SLC14A1: variants seen among roughly 807,000 people sequenced by gnomAD.
SLC14A1 encodes the protein urea transporter 1.
Under a neutral mutation model 39.6 loss-of-function variants are expected in SLC14A1, and 36 were observed. The ratio of observed to expected loss-of-function variants is 0.91; its 90% CI spans 0.70 to 1.20. The LOEUF is 1.20. Among genes scored for constraint, SLC14A1 ranks in the 50% most tolerant of loss-of-function variants. The pLI is 0.00. For synonymous variants in SLC14A1, 164 were observed against 173.6 expected, an observed-to-expected ratio of 0.94 and a Z score of 0.43; for missense variants, 469 against 478.7, an observed-to-expected ratio of 0.98 and a Z score of 0.19.
In SLC14A1 at chr18:45,736,488, TC is replaced by T; in HGVS notation, c.504del (p.Ser169AlafsTer38). 1 of 1,614,168 alleles carries T rather than the reference TC, an allele frequency of 6.2e-7. No individual in the cohort carries two copies. The highest frequency in any genetic ancestry group is 8.5e-7 in the Non-Finnish European group (1 of 1,180,024). ...TTCTCAAGTGCATTGAATTCCATGC[TC>T]AGCAAATGGGACCTCCCCGTCTTCA... ...PIFSSALNSM[L>X]SKWDLPVFTL... On this transcript the variant is annotated frameshift_variant, in exon 6 of 10. Transcript: ENST00000321925. LOFTEE classifies it high-confidence loss of function.
chr18:45,742,339 T>C (rs1242950193), intron 8 of SLC14A1, among the ~76,000 whole-genome samples: 3 of 144,358 alleles, frequency 2.1e-5, no homozygotes, highest in Non-Finnish European at 4.5e-5. Context: ...TTTTTTGTTG[T>C]TTTTTGTTTT....
chr18:45,741,967 G>A (rs947473932), intron 8 of SLC14A1, among the ~76,000 whole-genome samples: 8 of 152,216 alleles, frequency 5.3e-5, no homozygotes, highest in Non-Finnish European at 8.8e-5. Flanking sequence ...ACAAAAGACA[G>A]TACCAGGAAG....
chr18:45,741,884 A>C (rs2047387189), intron 8 of SLC14A1, among the ~76,000 whole-genome samples: 2 of 152,182 alleles, frequency 1.3e-5, no homozygotes, highest in Admixed American at 6.5e-5. Context: ...AGGGGTTTCA[A>C]ACCTTTATTT....
chr18:45,751,821 G>A lies in SLC14A1; in HGVS notation c.*1870G>A. On this transcript the variant is annotated 3_prime_UTR_variant, in exon 10 of 10. Transcript: ENST00000321925. ...ATTAATTAATTAATTAATTTAAAAA[G>A]GAAGTCATGTTCATTTACTTTCCAC... The A allele has an allele frequency of 1.1e-6, 1 of 944,908 alleles. No homozygotes were observed. The highest frequency in any genetic ancestry group is 1.3e-6 in the Non-Finnish European group (1 of 796,148). The allele number at this position is 944,908 out of a possible 1,614,324, so 58.5% of individuals were successfully genotyped here. A position where few individuals can be genotyped will look rare whatever the true frequency, so the allele number is the denominator to read the frequency against.
rs896414119 is a variant in SLC14A1 at position 45,752,048 on chromosome 18, A to T, written c.*2097A>T. 21 of 985,328 alleles carry T rather than the reference A, an allele frequency of 2.1e-5. No individual in the cohort carries two copies. The African/African-American group carries it at 3.5e-4, about 16-fold the overall frequency. The allele number at this position is 985,328 out of a possible 1,614,324, so 61.0% of individuals were successfully genotyped here. ...TTCTCAGGAAACCAAGCAAGCAAACATATCGTTCCAATTTTAAAACCCAGT... is the reference window on the plus strand; with the variant it reads ...TTCTCAGGAAACCAAGCAAGCAAACTTATCGTTCCAATTTTAAAACCCAGT... On this transcript the variant is annotated 3_prime_UTR_variant, in exon 10 of 10. Transcript: ENST00000321925.
At position 45,751,354 on chromosome 18, in the gene SLC14A1, A is replaced by AAC. The variant is rs986537643; in HGVS notation, c.*1404_*1405insCA. Reference sequence around the variant, plus strand: ...AAACTGTGTCTCTCAAAAAAAAAAAAAAACAAACAAAAACAAAAACAAAAC... The same window carrying AAC: ...AAACTGTGTCTCTCAAAAAAAAAAAAACAAACAAACAAAAACAAAAACAAAAC... On this transcript the variant is annotated 3_prime_UTR_variant, in exon 10 of 10. Coordinates refer to ENST00000321925, the MANE Select transcript of SLC14A1 (RefSeq NM_015865.7). 6.9e-6 allele frequency: 6 copies of AAC among 870,790 alleles called. No individual in the cohort carries two copies. In the African/African-American group the frequency reaches 1.2e-4, roughly 18 times the overall value. 53.9% of individuals were successfully genotyped at this position (870,790 alleles called of 1,614,324 possible).
intron 2 of SLC14A1, chr18:45,727,242 C>T: frequency 6.4e-7 from 1 of 1,550,542 alleles, no homozygotes; most frequent in Non-Finnish European, 8.7e-7. Context: ...CATATTTTTG[C>T]CCTTTGTCAT....
chr18:45,731,956 T>C (rs912242004), intron 4 of SLC14A1, among the ~76,000 whole-genome samples: 2 of 152,174 alleles, frequency 1.3e-5, no homozygotes, highest in African/African-American at 2.4e-5. Context: ...AAGAGGTCCG[T>C]GGGGAGAGAG....
Position 45,730,339 on chromosome 18 carries a change from A to G in SLC14A1, c.19A>G (p.Met7Val), listed in dbSNP as rs138369087. 1.7e-5 allele frequency: 27 copies of G among 1,613,006 alleles called. No homozygotes were observed. The highest frequency in any genetic ancestry group is 1.7e-4 in the Middle Eastern group (1 of 6,058). ...GATAGCCATGGAGGACAGCCCCACTATGGTTAGAGTGGACAGCCCCACTAT... is the reference window on the plus strand; with the variant it reads ...GATAGCCATGGAGGACAGCCCCACTGTGGTTAGAGTGGACAGCCCCACTAT... MEDSPT[M>V]VRVDSPTMVR... Residue 7 changes from methionine (M) to valine (V), a missense_variant, in exon 3 of 10, where the codon ATG becomes GTG. Transcript: ENST00000321925.
chr18:45,727,108 C>T, intron 2 of SLC14A1: 1 of 661,672 alleles, frequency 1.5e-6, no homozygotes, highest in Non-Finnish European at 2.6e-6. Context: ...CCTCCTTCTT[C>T]ATTAGCGGTC....
chr18:45,729,213 T>C (rs572045929), intron 2 of SLC14A1: 1 of 152,258 alleles, frequency 6.6e-6, no homozygotes, highest in Non-Finnish European at 1.5e-5. Context: ...CAGGGTCTGA[T>C]GATTTTGGCG....
chr18:45,734,157 C>T (rs921545148), intron 4 of SLC14A1, 117 bp from the exon 5 acceptor site: 1 of 1,343,402 alleles, frequency 7.4e-7, no homozygotes, highest in Non-Finnish European at 1.1e-6. Context: ...AATACATTTC[C>T]AAATATAATC....
intron 3 of SLC14A1, 39 bp from the exon 4 acceptor site, chr18:45,730,976 G>A: frequency 1.9e-6 from 3 of 1,594,064 alleles, no homozygotes; most frequent in Non-Finnish European, 2.6e-6. Flanking sequence ...AGTATCACTT[G>A]GCAGCTTCCT....
chr18:45,751,820 A>G lies in SLC14A1; in HGVS notation c.*1869A>G, dbSNP rs1341992558. 4 of 960,946 alleles carry G rather than the reference A, an allele frequency of 4.2e-6. No homozygotes were observed. The highest frequency in any genetic ancestry group is 6.2e-5 in the Admixed American group (1 of 16,212). 59.5% of individuals were successfully genotyped at this position (960,946 alleles called of 1,614,324 possible). ...AATTAATTAATTAATTAATTTAAAA[A>G]GGAAGTCATGTTCATTTACTTTCCA... On this transcript the variant is annotated 3_prime_UTR_variant, in exon 10 of 10. Coordinates refer to ENST00000321925, the MANE Select transcript of SLC14A1 (RefSeq NM_015865.7).
Position 45,730,163 on chromosome 18 carries a change from G to A in SLC14A1, c.-21-137G>A, listed in dbSNP as rs933308668. ...TTTGGCTAATAAGCTCTGTGGTGGT[G>A]TTTCAGAAGGAAAATGGTGCTCTCT... is the stretch of plus-strand genomic sequence containing the variant. On this transcript the variant is annotated intron_variant, in intron 2 of 9. Coordinates refer to ENST00000321925, the MANE Select transcript of SLC14A1 (RefSeq NM_015865.7). The A allele has an allele frequency of 5.5e-6, 5 of 902,668 alleles. No individual in the cohort carries two copies. The African/African-American group carries it at 8.4e-5, about 15-fold the overall frequency. 55.9% of individuals were successfully genotyped at this position (902,668 alleles called of 1,614,324 possible).
At chr18:45,732,287 T>G (rs2047053447) in intron 4 of SLC14A1, among the ~76,000 whole-genome samples, 1 of 152,230 alleles carries the variant, frequency 6.6e-6, no homozygotes, top group African/African-American at 2.4e-5. Flanking sequence ...AATATATGTC[T>G]TCCTGTGGCT....
chr18:45,733,062 G>A (rs952669750), intron 4 of SLC14A1, among the ~76,000 whole-genome samples: 7 of 152,104 alleles, frequency 4.6e-5, no homozygotes, highest in African/African-American at 7.2e-5. Context: ...GGGTAAACAC[G>A]GACATGGAAA....
At chr18:45,730,952 G>A (rs2047011419) in intron 3 of SLC14A1, 63 bp from the exon 4 acceptor site, 5 of 1,442,784 alleles carry the variant, frequency 3.5e-6, no homozygotes, top group Non-Finnish European at 4.9e-6. Context: ...CTCAGGGTGG[G>A]CCTGTGGTTG....
chr18:45,743,455 G>A (rs897977804), intron 8 of SLC14A1, among the ~76,000 whole-genome samples: 1 of 151,950 alleles, frequency 6.6e-6, no homozygotes, highest in African/African-American at 2.4e-5. Flanking sequence ...AGTCAACTGA[G>A]CTAAAGAGCT....
Sources: gnomAD v4.1 joint callset for allele counts (sites outside exome capture counted in the v4.1 genomes callset) on GRCh38, gnomAD v4.1.1 for gene constraint, MANE v1.5 for transcripts, NCBI Gene and HGNC (gene_info 2026-07-23, HGNC 2026-07-21) for gene names.